The following JMJD1C variants were observed in gnomAD, a reference collection of about 807,000 sequenced individuals.
JMJD1C encodes jumonji domain-containing protein 1C.
Under a neutral mutation model 245.3 loss-of-function variants are expected in JMJD1C, and 31 were observed. The ratio of observed to expected loss-of-function variants is 0.13; its 90% CI spans 0.09 to 0.17. The LOEUF (loss-of-function observed/expected upper bound fraction) is 0.17, where lower values mean the gene tolerates loss of function less well. Among genes scored for constraint, JMJD1C ranks in the 10% least tolerant of loss-of-function variants. The probability of loss-of-function intolerance (pLI) is 1.00; values close to 1 mark genes in which losing one functional copy is unlikely to be tolerated. For synonymous variants in JMJD1C, 1,057 were observed against 1,017.4 expected, an observed-to-expected ratio of 1.04 and a Z score of -0.74; for missense variants, 2,691 against 3,000.2, an observed-to-expected ratio of 0.90 and a Z score of 2.41.
chr10:63,235,474 G>A (rs1223608702), intron 3 of JMJD1C, among the ~76,000 whole-genome samples: 1 of 152,122 alleles, frequency 6.6e-6, no homozygotes, highest in African/African-American at 2.4e-5. Flanking sequence ...TCCAGCCTGG[G>A]CAGCAAGAAC....
rs769747906 is a variant in JMJD1C, at chr10:63,215,406, G to A, written c.872C>T (p.Ser291Phe). The change falls in exon 7 of 26, where the codon TCC (serine) becomes TTC (phenylalanine). Residue 291 changes from serine to phenylalanine, a missense_variant. By Grantham distance (155) the Ser-to-Phe change is radical. This residue lies in a region of JMJD1C where 1,562 missense variants were observed against 1,490.7 expected (regional missense o/e 1.05). Transcript: ENST00000399262. ...QANSPRPAMNSQAAVPKQNTH... is the reference protein window; with the variant it reads ...QANSPRPAMNFQAAVPKQNTH... ...ATTCTGTTTTGGTACAGCAGCTTGG[G>A]AGTTCATTGCTGGTCTGGGACTATT... is the stretch of plus-strand genomic sequence containing the variant. 1 of 1,614,104 alleles carries A rather than the reference G, an allele frequency of 6.2e-7. No homozygotes were observed.
chr10:63,336,241 A>C (rs1420469587), intron 2 of JMJD1C, among the ~76,000 whole-genome samples: 1 of 152,096 alleles, frequency 6.6e-6, no homozygotes, highest in East Asian at 1.9e-4. Flanking sequence ...CAGGAGGATC[A>C]CCTGAGGTCA....
chr10:63,305,353 C>G (rs1313741261), intron 2 of JMJD1C, among the ~76,000 whole-genome samples: 1 of 126,392 alleles, frequency 7.9e-6, no homozygotes, highest in African/African-American at 3.4e-5. Context: ...GGCGACGGAG[C>G]AAGACTCCAC....
At chr10:63,198,417 G>A in intron 12 of JMJD1C, 96 bp downstream of exon 12, 1 of 748,668 alleles carries the variant, frequency 1.3e-6, no homozygotes, top group Non-Finnish European at 2.2e-6. Flanking sequence ...AAAAATCAAG[G>A]TTAGATAAGA....
intron 3 of JMJD1C, among the ~76,000 whole-genome samples, chr10:63,254,861 T>C (rs1025557607): frequency 1.5e-5 from 2 of 135,160 alleles, no homozygotes; most frequent in Non-Finnish European, 3.3e-5. Flanking sequence ...CTCCCCCCCT[T>C]TTTTTTTTAT....
intron 1 of JMJD1C, chr10:63,427,663 T>G: frequency 7.6e-7 from 1 of 1,309,204 alleles, no homozygotes; most frequent in East Asian, 2.3e-5. Context: ...CAACAGTGGC[T>G]GGACCGAAAT....
chr10:63,313,124 A>G (rs749519404), intron 2 of JMJD1C, among the ~76,000 whole-genome samples: 206 of 152,226 alleles, frequency 1.4e-3, no homozygotes, highest in Admixed American at 3.5e-3. Context: ...GCAAGGCCCC[A>G]AAGTCCACTG....
intron 3 of JMJD1C, among the ~76,000 whole-genome samples, chr10:63,225,547 G>A (rs1849160661): frequency 6.6e-6 from 1 of 152,094 alleles, no homozygotes. Context: ...ACTTTGGGAG[G>A]CCGAGGCAGG....
intron 2 of JMJD1C, among the ~76,000 whole-genome samples, chr10:63,374,068 T>C (rs529977926): frequency 8.7e-4 from 133 of 152,314 alleles, no homozygotes; most frequent in African/African-American, 3.0e-3. Flanking sequence ...TCCCATTGCA[T>C]AGACTTTAAA....
Position 63,208,475 on chromosome 10 carries a change from T to C in JMJD1C, c.3194A>G (p.Lys1065Arg), listed in dbSNP as rs757312471. 4 of 1,613,642 alleles carry C rather than the reference T, an allele frequency of 2.5e-6. No homozygotes were observed. In the Admixed American group the frequency reaches 6.7e-5, roughly 27 times the overall value. Residue 1065 changes from lysine to arginine, a missense_variant, in exon 10 of 26, where the codon AAA becomes AGA. By Grantham distance (26) the Lys-to-Arg change is conservative. This residue lies in a region of JMJD1C where 1,562 missense variants were observed against 1,490.7 expected (regional missense o/e 1.05). Transcript: ENST00000399262. ...SSSSPKSHII[K>R]QDMDVERSVS... Reference sequence around the variant, plus strand: ...TGAGCGTTCTACATCCATATCTTGTTTGATGATATGGCTTTTAGGACTGGA... The same window carrying C: ...TGAGCGTTCTACATCCATATCTTGTCTGATGATATGGCTTTTAGGACTGGA...
intron 10 of JMJD1C, chr10:63,203,068 G>A: frequency 1.0e-6 from 1 of 984,834 alleles, no homozygotes; most frequent in Non-Finnish European, 1.2e-6. Flanking sequence ...ACACAAAATA[G>A]GCATTTAGAG....
intron 2 of JMJD1C, among the ~76,000 whole-genome samples, chr10:63,366,942 C>A (rs1945890388): frequency 2.0e-5 from 3 of 152,136 alleles, no homozygotes; most frequent in Non-Finnish European, 2.9e-5. Flanking sequence ...TTGGCCAGAT[C>A]CAGTTATAGC....
In JMJD1C at chr10:63,177,738, C is replaced by G. The variant is rs1213201931; in HGVS notation, c.7203G>C (p.Lys2401Asn). 3 of 1,614,094 alleles carry G rather than the reference C, an allele frequency of 1.9e-6. No homozygotes were observed. Among genetic ancestry groups the G allele is most frequent in the Non-Finnish European group, 2.5e-6 (3 of 1,179,998 alleles). ...WHIYAGKDVD[K>N]IREFLQKISK... ...ATACCTTTTGAAGAAATTCCCTTAT[C>G]TTGTCAACATCTTTCCCAGCATAAA... Residue 2401 changes from lysine (K) to asparagine (N), a missense_variant, in exon 23 of 26, where the codon AAG becomes AAC. By Grantham distance (94) the Lys-to-Asn change is moderately conservative. Around this residue, in one of 9 missense-constraint regions of JMJD1C, gnomAD observed 232 missense variants for 416.1 expected, o/e 0.56. Coordinates refer to ENST00000399262, the MANE Select transcript of JMJD1C (RefSeq NM_032776.3).
chr10:63,215,319 C>T lies in JMJD1C; in HGVS notation c.959G>A (p.Ser320Asn), dbSNP rs201497554. Residue 320 changes from serine to asparagine, a missense_variant, in exon 7 of 26, where the codon AGT becomes AAT. Transcript: ENST00000399262. ...RPNKRKGSDS[S>N]IPDEEKMKEE... is the part of the protein sequence containing the mutation. Reference sequence around the variant, plus strand: ...CTTCATCTTCTCTTCATCTGGTATACTGCTATCTGAGCCCTTCCTCTTATT... The same window carrying T: ...CTTCATCTTCTCTTCATCTGGTATATTGCTATCTGAGCCCTTCCTCTTATT... 2,001 of 1,613,550 alleles carry T rather than the reference C, an allele frequency of 1.2e-3. 5 individuals are homozygous for T. Among genetic ancestry groups the T allele is most frequent in the South Asian group, 1.4e-3 (130 of 91,072 alleles).
At chr10:63,475,228 C>G (rs1953622931) in intron 1 of JMJD1C, among the ~76,000 whole-genome samples, 1 of 152,100 alleles carries the variant, frequency 6.6e-6, no homozygotes, top group African/African-American at 2.4e-5. Flanking sequence ...TTTATGAACC[C>G]TGGACAGCTA....
At position 63,185,693 on chromosome 10, in the gene JMJD1C, G is replaced by C. The variant is rs774018251; in HGVS notation, c.6740-40C>G. The C allele has an allele frequency of 4.5e-6, 5 of 1,121,792 alleles. No homozygotes were observed. The Admixed American group carries it at 9.3e-5, about 21-fold the overall frequency. 69.5% of individuals were successfully genotyped at this position (1,121,792 alleles called of 1,614,324 possible). A position where few individuals can be genotyped will look rare whatever the true frequency, so the allele number is the denominator to read the frequency against. On this transcript the variant is annotated intron_variant, in intron 19 of 25. Transcript: ENST00000399262. ...GTTAATTACTAAAAGGGTAATTTCT[G>C]CCTTTTTATCTTTATTAACATTTGG...
In JMJD1C at chr10:63,206,686, T is replaced by C. The variant is rs768146566; in HGVS notation, c.4983A>G (p.Lys1661=). 9 of 1,613,524 alleles carry C rather than the reference T, an allele frequency of 5.6e-6. No homozygotes were observed. The highest frequency in any genetic ancestry group is 1.7e-5 in the Admixed American group (1 of 59,904). Residue 1661 remains lysine (K), a synonymous_variant, in exon 10 of 26, where the codon AAA becomes AAG. Coordinates refer to ENST00000399262, the MANE Select transcript of JMJD1C (RefSeq NM_032776.3). The part of the protein sequence containing the change: ...KKKQNDLQKR[K]GEIEEDLKPN... ...GTTTCAAATCTTCTTCTATTTCACC[T>C]TTTCTCTTTTGCAAATCATTTTGCT...
At chr10:63,392,053 A>AT (rs1948097617) in intron 1 of JMJD1C, among the ~76,000 whole-genome samples, 2 of 152,194 alleles carry the variant, frequency 1.3e-5, no homozygotes, top group Non-Finnish European at 2.9e-5. Context: ...CTCAGTTACA[A>AT]TTTTGCAAAC....
Position 63,186,313 on chromosome 10 carries a change from T to C in JMJD1C, c.6641A>G (p.Asp2214Gly). ...GAGATCAGCTTGGTGGTCTCCAAAA[T>C]CAAGACTAATTGATTCCGCCTTCCA... ...SLWKAESISL[D>G]FGDHQADLLN... Residue 2214 changes from aspartate (D) to glycine (G), a missense_variant, in exon 19 of 26, where the codon GAT becomes GGT. This residue lies in a region of JMJD1C where 232 missense variants were observed against 416.1 expected (regional missense o/e 0.56). Coordinates refer to ENST00000399262, the MANE Select transcript of JMJD1C (RefSeq NM_032776.3). 2 of 1,613,676 alleles carry C rather than the reference T, an allele frequency of 1.2e-6. No individual in the cohort carries two copies. Among genetic ancestry groups the C allele is most frequent in the Non-Finnish European group, 8.5e-7 (1 of 1,179,756 alleles).
Sources: gnomAD v4.1 joint callset for allele counts (sites outside exome capture counted in the v4.1 genomes callset) on GRCh38, gnomAD v4.1.1 for gene constraint, gnomAD v4.1.1 regional missense constraint, MANE v1.5 for transcripts, NCBI Gene and HGNC (gene_info 2026-07-23, HGNC 2026-07-21) for gene names.